DACT2: variants seen among roughly 807,000 people sequenced by gnomAD.
The protein encoded by DACT2 is dapper homolog 2.
In DACT2, 20 loss-of-function variants were observed where a neutral mutation model predicts 22.2. That is an observed-to-expected ratio of 0.90 (90% confidence interval 0.63 to 1.31). The LOEUF (loss-of-function observed/expected upper bound fraction) is 1.31. Ranked by LOEUF, DACT2 falls within the 50% of genes most tolerant of loss-of-function variation. The pLI is 0.00. For missense variants in DACT2, 1,048 were observed against 1,061.4 expected (o/e 0.99, Z 0.18); for synonymous variants, 463 against 479.8 (o/e 0.96, Z 0.46).
intron 3 of DACT2, among the ~76,000 whole-genome samples, chr6:168,297,606 A>T (rs1290682728): frequency 6.6e-6 from 1 of 152,160 alleles, no homozygotes; most frequent in African/African-American, 2.4e-5. Context: ...CGCCCTCCAG[A>T]ATGGTAGGAG....
At chr6:168,318,154 G>C (rs1219234103) in intron 1 of DACT2, among the ~76,000 whole-genome samples, 1 of 152,250 alleles carries the variant, frequency 6.6e-6, no homozygotes, top group Admixed American at 6.5e-5. Context: ...CAGAGGCTGC[G>C]ATTGTGTCTG....
Position 168,308,421 on chromosome 6 carries a change from C to A in DACT2, c.1336G>T (p.Ala446Ser). ...TMVQASPSSK[A>S]QQTPSAQDYG... ...TCCTGAGCTGAGGGTGTCTGCTGGG[C>A]CTTTGAGCTGGGAGAAGCCTGCACC... The change falls in exon 4 of 4, where the codon GCC (alanine) becomes TCC (serine). Residue 446 changes from alanine to serine, a missense_variant. By Grantham distance (99) the Ala-to-Ser change is moderately conservative. Transcript: ENST00000366795. The A allele has an allele frequency of 2.6e-6, 4 of 1,551,742 alleles. No homozygotes were observed. The highest frequency in any genetic ancestry group is 3.5e-6 in the Non-Finnish European group (4 of 1,146,982).
downstream of DACT2, among the ~76,000 whole-genome samples, chr6:168,304,190 G>A (rs1307400388): frequency 1.3e-5 from 2 of 152,272 alleles, no homozygotes; most frequent in South Asian, 2.1e-4. Flanking sequence ...GACAGGCCAC[G>A]CTCTGCCTTA....
chr6:168,307,397 G>A lies in DACT2; in HGVS notation c.*35C>T. 1 of 1,550,022 alleles carries A rather than the reference G, an allele frequency of 6.5e-7. No homozygotes were observed. ...GACACTGCATGGAAAGGGCCCCTGT[G>A]TGCAGCAGGCTTCTCTTGACGCAGT... On this transcript the variant is annotated 3_prime_UTR_variant, in exon 4 of 4. Coordinates refer to ENST00000366795, the MANE Select transcript of DACT2 (RefSeq NM_214462.5). The surrounding 1 kb of genome is among the most constrained non-coding windows in gnomAD (Gnocchi z 5.3).
chr6:168,308,024 G>T lies in DACT2; in HGVS notation c.1733C>A (p.Ala578Asp), dbSNP rs368337356. ...TGAGGTCCGGTGGCTCTCCTGCGGGGCCACTGCCAAGGGGACGAGGACAGG... is the reference window on the plus strand; with the variant it reads ...TGAGGTCCGGTGGCTCTCCTGCGGGTCCACTGCCAAGGGGACGAGGACAGG... ...PMPVLVPLAV[A>D]PQESHRTSAQ... Residue 578 changes from alanine (A) to aspartate (D), a missense_variant, in exon 4 of 4, where the codon GCC (alanine) becomes GAC (aspartate). Physicochemically the swap from Ala to Asp is moderately radical, Grantham distance 126. Coordinates refer to ENST00000366795, the MANE Select transcript of DACT2 (RefSeq NM_214462.5). The T allele has an allele frequency of 2.1e-5, 33 of 1,550,190 alleles. No individual in the cohort carries two copies. Among genetic ancestry groups the T allele is most frequent in the Middle Eastern group, 3.3e-4 (2 of 5,986 alleles).
rs1779315419 is a variant in DACT2 at position 168,308,979 on chromosome 6, A to T, written c.778T>A (p.Tyr260Asn). The T allele has an allele frequency of 1.9e-6, 3 of 1,549,512 alleles. No individual in the cohort carries two copies. The highest frequency in any genetic ancestry group is 2.6e-6 in the Non-Finnish European group (3 of 1,146,960). Residue 260 changes from tyrosine (Y) to asparagine (N), a missense_variant, in exon 4 of 4, where the codon TAT (tyrosine) becomes AAT (asparagine). Physicochemically the swap from Tyr to Asn is moderately radical, Grantham distance 143. Coordinates refer to ENST00000366795, the MANE Select transcript of DACT2 (RefSeq NM_214462.5). ...DIPLHVPDPK[Y>N]RQDLVSQGGR... Reference sequence around the variant, plus strand: ...CCCTGGGACACCAGGTCCTGCCGATACTTGGGGTCCGGCACGTGCAGCGGG... The same window carrying T: ...CCCTGGGACACCAGGTCCTGCCGATTCTTGGGGTCCGGCACGTGCAGCGGG...
chr6:168,308,416 C>G lies in DACT2; in HGVS notation c.1341G>C (p.Gln447His). The G allele has an allele frequency of 6.4e-7, 1 of 1,551,796 alleles. No homozygotes were observed. The highest frequency in any genetic ancestry group is 1.2e-5 in the South Asian group (1 of 84,066). ...MVQASPSSKAQQTPSAQDYGR... is the reference protein window; with the variant it reads ...MVQASPSSKAHQTPSAQDYGR... ...CATAGTCCTGAGCTGAGGGTGTCTG[C>G]TGGGCCTTTGAGCTGGGAGAAGCCT... The change falls in exon 4 of 4, where the codon CAG becomes CAC. Residue 447 changes from glutamine to histidine, a missense_variant. Physicochemically the swap from Gln to His is conservative, Grantham distance 24. Coordinates refer to ENST00000366795, the MANE Select transcript of DACT2 (RefSeq NM_214462.5).
Position 168,308,388 on chromosome 6 carries a change from G to T in DACT2, c.1369C>A (p.Arg457=), listed in dbSNP as rs548494411. Residue 457 remains arginine, a synonymous_variant, in exon 4 of 4, where the codon CGA becomes AGA. Transcript: ENST00000366795. The stretch of plus-strand genomic sequence containing the variant: ...CTGGATGGGGATATGATGTTGCCTC[G>T]TCCATAGTCCTGAGCTGAGGGTGTC... The part of the protein sequence containing the change: ...QQTPSAQDYG[R]GNIISPSRML... 1.9e-6 allele frequency: 3 copies of T among 1,551,836 alleles called. No individual in the cohort carries two copies. The highest frequency in any genetic ancestry group is 2.4e-5 in the East Asian group (1 of 40,914).
downstream of DACT2, among the ~76,000 whole-genome samples, chr6:168,305,271 A>C (rs9346538): frequency 0.71 from 107,300 of 152,070 alleles, 39,395 homozygotes; most frequent in African/African-American, 0.9. Flanking sequence ...CGGAGCAGGA[A>C]GGAATTCGCT....
At chr6:168,298,370 A>G (rs1432552025) in intron 3 of DACT2, 6 of 152,206 alleles carry the variant, frequency 3.9e-5, no homozygotes. Flanking sequence ...TGGTACTTGC[A>G]TTTGTTTTTT....
intron 3 of DACT2, among the ~76,000 whole-genome samples, chr6:168,297,500 T>C (rs62424987): frequency 0.042 from 6,445 of 152,242 alleles, 154 homozygotes; most frequent in South Asian, 0.06. Flanking sequence ...TTCTAGAAGC[T>C]GCAAAAGGCA....
At chr6:168,315,683 T>C (rs1005456024) in intron 1 of DACT2, among the ~76,000 whole-genome samples, 1 of 152,198 alleles carries the variant, frequency 6.6e-6, no homozygotes, top group Non-Finnish European at 1.5e-5. Context: ...GTGCTGCTAT[T>C]TTCCTGACTG....
chr6:168,319,762 AG>A lies in DACT2; in HGVS notation c.-130del. The A allele has an allele frequency of 3.4e-6, 4 of 1,172,414 alleles. No individual in the cohort carries two copies. The highest frequency in any genetic ancestry group is 4.2e-6 in the Non-Finnish European group (4 of 949,274). The allele number at this position is 1,172,414 out of a possible 1,614,324, so 72.6% of individuals were successfully genotyped here. On this transcript the variant is annotated 5_prime_UTR_variant, in exon 1 of 4. Transcript: ENST00000366795. Reference sequence around the variant, plus strand: ...CCGCCCCCGGCTCCGCAGGTCGCCAAGGTGGGCTGGAATCTGTGGCCAGGCG... The same window carrying A: ...CCGCCCCCGGCTCCGCAGGTCGCCAAGTGGGCTGGAATCTGTGGCCAGGCG...
At chr6:168,314,842 C>A (rs1779506952) in intron 1 of DACT2, among the ~76,000 whole-genome samples, 1 of 152,114 alleles carries the variant, frequency 6.6e-6, no homozygotes, top group African/African-American at 2.4e-5. Flanking sequence ...AATGCTGTTA[C>A]CTAAGTTTAA....
intron 1 of DACT2, among the ~76,000 whole-genome samples, chr6:168,315,021 G>A (rs1224682599): frequency 3.3e-5 from 5 of 152,188 alleles, no homozygotes; most frequent in African/African-American, 9.7e-5. Context: ...CACAAAGCAA[G>A]CACAGCCGGC....
chr6:168,294,239 T>C, intron 4 of DACT2: 1 of 702,736 alleles, frequency 1.4e-6, no homozygotes, highest in Non-Finnish European at 2.6e-6. Flanking sequence ...GAAACATGAG[T>C]GCCAGGAGCT....
rs59784883 is a variant in DACT2, at chr6:168,294,272, C to T, written c.731-75G>A. The stretch of plus-strand genomic sequence containing the variant: ...GCTCTGTCACATCTGTCCCCGAATG[C>T]TTGCCGTTTCACTGGGGCTAGGTGT... On this transcript the variant is annotated intron_variant, in intron 4 of 5. Coordinates refer to the DACT2 transcript ENST00000366796. The T allele has an allele frequency of 3.4e-3, 2,422 of 702,288 alleles. 50 individuals carry two copies. The African/African-American group carries it at 0.038, about 11-fold the overall frequency. The allele number at this position is 702,288 out of a possible 1,614,324, so 43.5% of individuals were successfully genotyped here. A position where few individuals can be genotyped will look rare whatever the true frequency, so the allele number is the denominator to read the frequency against.
chr6:168,311,632 C>CA (rs1779420322), intron 1 of DACT2, among the ~76,000 whole-genome samples: 1 of 96,204 alleles, frequency 1.0e-5, no homozygotes, highest in Non-Finnish European at 2.2e-5. Context: ...ACACACCCAT[C>CA]CACACACACA....
Position 168,319,700 on chromosome 6 carries a change from C to A in DACT2, c.-67G>T. ...GCCGGAGGCCCAGCGCGCGCGGATC[C>A]CGAGCTGTGTCGCGGGTCCTCCTGC... On this transcript the variant is annotated 5_prime_UTR_variant, in exon 1 of 4. Coordinates refer to ENST00000366795, the MANE Select transcript of DACT2 (RefSeq NM_214462.5). The A allele has an allele frequency of 1.7e-6, 2 of 1,190,342 alleles. No individual in the cohort carries two copies. The highest frequency in any genetic ancestry group is 2.1e-6 in the Non-Finnish European group (2 of 960,698). The allele number at this position is 1,190,342 out of a possible 1,614,324, so 73.7% of individuals were successfully genotyped here.
Sources: allele counts gnomAD v4.1 joint callset (sites outside exome capture counted in the v4.1 genomes callset), GRCh38; gene constraint gnomAD v4.1.1; non-coding constraint Gnocchi (gnomAD v3.1); transcripts MANE v1.5; gene names NCBI Gene and HGNC (gene_info 2026-07-23, HGNC 2026-07-21).